The following DAB1 variants were observed in gnomAD, a reference collection of about 807,000 sequenced individuals.
DAB1 encodes the protein disabled homolog 1.
In DAB1, 15 loss-of-function variants were observed where a neutral mutation model predicts 64.6. That is an observed-to-expected ratio of 0.23 (90% CI 0.16 to 0.36). DAB1 has a LOEUF of 0.36. Ranked by LOEUF, DAB1 falls within the 10% of genes least tolerant of loss-of-function variation. The probability of loss-of-function intolerance (pLI) is 1.00; values close to 1 mark genes in which losing one functional copy is unlikely to be tolerated. For missense variants in DAB1, 596 were observed against 706.7 expected (o/e 0.84, Z 1.78); for synonymous variants, 235 against 251.9 (o/e 0.93, Z 0.64).
At position 56,996,583 on chromosome 1, in the gene DAB1, A is replaced by T. The variant is rs1005631253; in HGVS notation, c.*1561T>A. The stretch of plus-strand genomic sequence containing the variant: ...GGGAGTGGGGAGGTGGGAGAGTTTC[A>T]GAATCTGAATTCTTCAGAATGTGAA... On this transcript the variant is annotated 3_prime_UTR_variant, in exon 15 of 15. Transcript: ENST00000371236. 6.6e-6 allele frequency: 1 copy of T among 152,390 alleles called. No homozygotes were observed. Among genetic ancestry groups the T allele is most frequent in the East Asian group, 1.9e-4 (1 of 5,202 alleles). 9.4% of individuals were successfully genotyped at this position (152,390 alleles called of 1,614,324 possible).
intron 2 of DAB1, among the ~76,000 whole-genome samples, chr1:57,159,026 A>G (rs1660495581): frequency 6.6e-6 from 1 of 152,186 alleles, no homozygotes. Flanking sequence ...AGTTTGGCCA[A>G]TGATTCTGAG....
chr1:57,796,856 C>T (rs1650898691), intron 6 of DAB1, among the ~76,000 whole-genome samples: 2 of 152,122 alleles, frequency 1.3e-5, no homozygotes, highest in South Asian at 4.1e-4. Context: ...GGCTATAGAT[C>T]CCCACATCTG....
chr1:58,444,069 T>C (rs1038180651), intron 3 of DAB1, among the ~76,000 whole-genome samples: 4 of 152,214 alleles, frequency 2.6e-5, no homozygotes, highest in Admixed American at 6.5e-5. Flanking sequence ...GTTATTACTC[T>C]CATTCTCCTG....
In DAB1 at chr1:57,492,276, T is replaced by TAA. The variant is rs1468680632; in HGVS notation, n.625+157315_625+157316insTT. Among the ~76,000 whole-genome samples the TAA allele has an allele frequency of 2.0e-5, 3 of 152,370 alleles. No individual in the cohort carries two copies. The East Asian group carries it at 5.8e-4, about 29-fold the overall frequency. On this transcript the variant is annotated intron_variant and non_coding_transcript_variant, in intron 7 of 20. Coordinates refer to the DAB1 transcript ENST00000485760. ...TGGATTCAGAGGGCTTTGGAATTTA[T>TAA]GTTCCAGCATTACTGCTTAATAGCT... is the stretch of plus-strand genomic sequence containing the variant.
At chr1:57,664,282 ATT>A (rs1558589008) in intron 6 of DAB1, among the ~76,000 whole-genome samples, 1 of 152,010 alleles carries the variant, frequency 6.6e-6, no homozygotes. Context: ...CAAATAAGGG[ATT>A]TTTCAAACTC....
At chr1:58,339,070 G>A (rs531558734) in intron 4 of DAB1, among the ~76,000 whole-genome samples, 13 of 152,268 alleles carry the variant, frequency 8.5e-5, no homozygotes, top group African/African-American at 2.4e-4. Flanking sequence ...ATGAAAATGC[G>A]TTGGAACTAC....
chr1:58,327,195 C>T (rs1212096155), intron 4 of DAB1, among the ~76,000 whole-genome samples: 1 of 152,108 alleles, frequency 6.6e-6, no homozygotes, highest in African/African-American at 2.4e-5. Flanking sequence ...CTGTTAATTT[C>T]CACGTTGAAC....
At chr1:57,005,958 A>C (rs1646051502) in intron 14 of DAB1, among the ~76,000 whole-genome samples, 1 of 152,240 alleles carries the variant, frequency 6.6e-6, no homozygotes, top group Non-Finnish European at 1.5e-5. Flanking sequence ...TGGTTCTAGA[A>C]ACAGTGAGCC....
intron 5 of DAB1, among the ~76,000 whole-genome samples, chr1:57,902,019 G>A (rs61770283): frequency 0.25 from 37,519 of 151,794 alleles, 5,426 homozygotes; most frequent in Non-Finnish European, 0.32. Context: ...GCTGGGCATG[G>A]TAGTGCACAT....
intron 7 of DAB1, among the ~76,000 whole-genome samples, chr1:57,473,605 C>A (rs1643894852): frequency 6.6e-6 from 1 of 152,220 alleles, no homozygotes. Flanking sequence ...CGTTGCCTGA[C>A]ATACATGAAG....
chr1:57,929,603 T>G (rs1644926987), intron 5 of DAB1, among the ~76,000 whole-genome samples: 1 of 152,192 alleles, frequency 6.6e-6, no homozygotes, highest in African/African-American at 2.4e-5. Flanking sequence ...TATCTGAGTC[T>G]GGGTAATTTT....
At position 57,705,415 on chromosome 1, in the gene DAB1, T is replaced by C. The variant is rs375682555; in HGVS notation, n.552-55750A>G. Among the ~76,000 whole-genome samples, 5 of 152,324 alleles carry C rather than the reference T, an allele frequency of 3.3e-5. No individual in the cohort carries two copies. In the East Asian group the frequency reaches 9.6e-4, roughly 29 times the overall value. On this transcript the variant is annotated intron_variant and non_coding_transcript_variant, in intron 6 of 20. Transcript: ENST00000485760. ...AGAGTTTAGTCTATTTACATATGGC[T>C]ACTAATAACTATGGATTTGCTTTAA...
At chr1:58,178,966 A>G (rs1211911357) in intron 4 of DAB1, among the ~76,000 whole-genome samples, 1 of 152,174 alleles carries the variant, frequency 6.6e-6, no homozygotes, top group Non-Finnish European at 1.5e-5. Context: ...ATAGAAGGTT[A>G]GGTTTCCTTA....
intron 2 of DAB1, among the ~76,000 whole-genome samples, chr1:57,253,933 G>A (rs1669566861): frequency 6.6e-6 from 1 of 152,138 alleles, no homozygotes; most frequent in Non-Finnish European, 1.5e-5. Context: ...AGTAGGGGGA[G>A]GGGAAAGAAA....
intron 5 of DAB1, among the ~76,000 whole-genome samples, chr1:58,044,295 C>T (rs1161041011): frequency 6.6e-6 from 1 of 152,116 alleles, no homozygotes; most frequent in Non-Finnish European, 1.5e-5. Context: ...CTTCTCTGTG[C>T]TTCTAGCTTC....
chr1:58,372,412 G>A (rs550854780), intron 3 of DAB1, among the ~76,000 whole-genome samples: 54 of 152,240 alleles, frequency 3.5e-4, no homozygotes, highest in African/African-American at 1.3e-3. Flanking sequence ...TGTATCTTGG[G>A]GGTATCTAAC....
intron 3 of DAB1, among the ~76,000 whole-genome samples, chr1:58,362,010 G>T (rs983497821): frequency 1.3e-5 from 2 of 151,658 alleles, no homozygotes; most frequent in Non-Finnish European, 2.9e-5. Flanking sequence ...GATTACAGGT[G>T]CATGCCACCA....
chr1:57,780,542 A>G (rs1650015770), intron 6 of DAB1, among the ~76,000 whole-genome samples: 1 of 151,968 alleles, frequency 6.6e-6, no homozygotes, highest in South Asian at 2.1e-4. Context: ...ACATATGTTC[A>G]TTGTGTTAAA....
chr1:57,030,851 T>C (rs988284282), intron 9 of DAB1, among the ~76,000 whole-genome samples: 12 of 152,270 alleles, frequency 7.9e-5, no homozygotes, highest in Non-Finnish European at 1.6e-4. Context: ...ATTTAATCAA[T>C]TCAAATGAAG....
Sources: gnomAD v4.1 joint callset for allele counts (sites outside exome capture counted in the v4.1 genomes callset) on GRCh38, gnomAD v4.1.1 for gene constraint, MANE v1.5 for transcripts, NCBI Gene and HGNC (gene_info 2026-07-23, HGNC 2026-07-21) for gene names.